AKAP7: variants seen among roughly 807,000 people sequenced by gnomAD.
The protein encoded by AKAP7 is A kinase (PRKA) anchor protein 7.
AKAP7 carries 39 observed loss-of-function variants against 39.5 expected under a neutral mutation model. The ratio of observed to expected loss-of-function variants is 0.99; its 90% CI spans 0.76 to 1.29. The LOEUF is 1.29. AKAP7 is among the 50% of genes most tolerant of loss of function. The pLI, the probability that AKAP7 is intolerant of heterozygous loss-of-function variation, is 0.00. For synonymous variants in AKAP7, 140 were observed against 139.1 expected, an observed-to-expected ratio of 1.01 and a Z score of -0.05; for missense variants, 414 against 407.7, an observed-to-expected ratio of 1.02 and a Z score of -0.13.
intron 2 of AKAP7, among the ~76,000 whole-genome samples, chr6:131,147,338 A>G (rs1354704874): frequency 6.6e-6 from 1 of 152,230 alleles, no homozygotes; most frequent in African/African-American, 2.4e-5. Context: ...TATTTTGGGA[A>G]GATGTGAACT....
Position 131,135,674 on chromosome 6 carries a change from C to A in AKAP7, c.-90C>A. 9.2e-7 allele frequency: 1 copy of A among 1,082,834 alleles called. No homozygotes were observed. The allele number at this position is 1,082,834 out of a possible 1,614,324, so 67.1% of individuals were successfully genotyped here. A position where few individuals can be genotyped will look rare whatever the true frequency, so the allele number is the denominator to read the frequency against. On this transcript the variant is annotated 5_prime_UTR_variant, in exon 1 of 8. Coordinates refer to ENST00000431975, the MANE Select transcript of AKAP7 (RefSeq NM_016377.4). ...CTCAGGCCCCGAGCCCCGCCCTGGC[C>A]TCCGCCTCGGCCTCGCCTCCAGCCC...
At chr6:131,191,042 T>C (rs1286878914) in intron 5 of AKAP7, among the ~76,000 whole-genome samples, 1 of 152,232 alleles carries the variant, frequency 6.6e-6, no homozygotes, top group African/African-American at 2.4e-5. Flanking sequence ...CTTTATGCTG[T>C]TTGTTTTCTG....
Position 131,270,266 on chromosome 6 carries a change from G to A in AKAP7, c.851-11264G>A, listed in dbSNP as rs145099007. Among the ~76,000 whole-genome samples the A allele has an allele frequency of 1.5e-3, 231 of 152,256 alleles. 1 individual carries two copies. The highest frequency in any genetic ancestry group is 5.3e-3 in the African/African-American group (220 of 41,542). ...TTACAGCTACACCTGGAAACCGCTG[G>A]TTTGTTTGCAGTCTAGTTTTGCCTT... On this transcript the variant is annotated intron_variant, in intron 7 of 7. Transcript: ENST00000431975.
At chr6:131,154,195 C>T (rs988244965) in intron 2 of AKAP7, among the ~76,000 whole-genome samples, 7 of 151,524 alleles carry the variant, frequency 4.6e-5, no homozygotes, top group Non-Finnish European at 7.4e-5. Flanking sequence ...GCAACAAGAG[C>T]AAAACTCTGC....
upstream of AKAP7, among the ~76,000 whole-genome samples, chr6:131,135,290 G>A (rs1800432992): frequency 6.6e-6 from 1 of 152,252 alleles, no homozygotes. Context: ...GCCAAAGGCC[G>A]TCGGAGGCCG....
intron 7 of AKAP7, among the ~76,000 whole-genome samples, chr6:131,269,962 C>T (rs1420569178): frequency 6.6e-6 from 1 of 152,192 alleles, no homozygotes; most frequent in African/African-American, 2.4e-5. Flanking sequence ...ATCATCATTA[C>T]CAGCCACATG....
chr6:131,221,788 T>C (rs1809719043), intron 7 of AKAP7, among the ~76,000 whole-genome samples: 1 of 152,158 alleles, frequency 6.6e-6, no homozygotes, highest in Admixed American at 6.5e-5. Context: ...GTTTACTGAG[T>C]ATTTTAACTA....
intron 6 of AKAP7, among the ~76,000 whole-genome samples, chr6:131,210,017 T>A (rs1036016440): frequency 5.3e-5 from 8 of 152,244 alleles, no homozygotes; most frequent in Non-Finnish European, 1.2e-4. Flanking sequence ...GCAAGAAGAT[T>A]TTCTGTCACT....
chr6:131,281,531 T>G lies in AKAP7; in HGVS notation c.852T>G (p.Gly284=), dbSNP rs1815189752. 6.2e-7 allele frequency: 1 copy of G among 1,601,640 alleles called. No individual in the cohort carries two copies. Among genetic ancestry groups the G allele is most frequent in the Admixed American group, 1.7e-5 (1 of 58,262 alleles). The change falls in exon 8 of 8, where the codon GGT becomes GGG. Residue 284 remains glycine, a splice_region_variant and synonymous_variant. Coordinates refer to ENST00000431975, the MANE Select transcript of AKAP7 (RefSeq NM_016377.4). This position sits in a 1 kb window ranked among gnomAD's most constrained non-coding sequence, Gnocchi z 4.0. ...TCTCTTCTCTATTGTGGAATGTAGG[T>G]GAAAAGAACGGAGGGGAGCCCGATG... ...YYHCESSIVI[G]EKNGGEPDDA... is the part of the protein sequence containing the mutation.
intron 2 of AKAP7, among the ~76,000 whole-genome samples, chr6:131,149,055 T>C (rs556308938): frequency 3.9e-5 from 6 of 152,222 alleles, no homozygotes; most frequent in Non-Finnish European, 7.3e-5. Flanking sequence ...AGGGGAATCC[T>C]TGGCAGTAGG....
chr6:131,140,266 A>AT (rs11350684), intron 1 of AKAP7, among the ~76,000 whole-genome samples: 4,249 of 149,542 alleles, frequency 0.028, 188 homozygotes, highest in African/African-American at 0.095. Flanking sequence ...CGTTCTAGTG[A>AT]TTTTTTTTTT....
Position 131,199,529 on chromosome 6 carries a change from T to A in AKAP7, c.658T>A (p.Leu220Met), listed in dbSNP as rs925473052. The change falls in exon 6 of 8, where the codon TTG becomes ATG. Residue 220 changes from leucine (L) to methionine (M), a missense_variant. Leu to Met is a conservative substitution (Grantham distance 15). Coordinates refer to ENST00000431975, the MANE Select transcript of AKAP7 (RefSeq NM_016377.4). ...AGAGAGCAGAAGTTTTAAACCTCATTTGACCTTCATGAAGTTGTCAAAATC... is the reference window on the plus strand; with the variant it reads ...AGAGAGCAGAAGTTTTAAACCTCATATGACCTTCATGAAGTTGTCAAAATC... ...VGESRSFKPHLTFMKLSKSPW... is the reference protein window; with the variant it reads ...VGESRSFKPHMTFMKLSKSPW... 3.1e-6 allele frequency: 5 copies of A among 1,612,094 alleles called. No individual in the cohort carries two copies. Among genetic ancestry groups the A allele is most frequent in the Middle Eastern group, 1.7e-4 (1 of 6,052 alleles).
At chr6:131,177,338 C>T (rs1028276722) in intron 5 of AKAP7, among the ~76,000 whole-genome samples, 11 of 152,040 alleles carry the variant, frequency 7.2e-5, no homozygotes, top group South Asian at 2.1e-4. Flanking sequence ...GGCTGGCTCC[C>T]GGTGAGAACC....
At chr6:131,169,937 TTTTC>T (rs954772636) in intron 5 of AKAP7, among the ~76,000 whole-genome samples, 13 of 152,188 alleles carry the variant, frequency 8.5e-5, no homozygotes, top group South Asian at 2.1e-4. Context: ...CTGTGTTTTT[TTTTC>T]TTTCTATCTA....
intron 7 of AKAP7, among the ~76,000 whole-genome samples, chr6:131,243,074 A>G (rs894644276): frequency 6.6e-6 from 1 of 152,168 alleles, no homozygotes; most frequent in Non-Finnish European, 1.5e-5. Context: ...CATGGGGGAC[A>G]GTGGGTGACT....
intron 7 of AKAP7, among the ~76,000 whole-genome samples, chr6:131,268,299 T>C (rs13206072): frequency 1.3e-5 from 2 of 152,136 alleles, no homozygotes; most frequent in African/African-American, 4.8e-5. Context: ...GAGGGAATTA[T>C]CAGTTTCCAT....
chr6:131,266,421 C>T (rs561602889), intron 7 of AKAP7, among the ~76,000 whole-genome samples: 1 of 152,306 alleles, frequency 6.6e-6, no homozygotes, highest in South Asian at 2.1e-4. Flanking sequence ...TACATGTCAT[C>T]AGTGTACTAT....
At chr6:131,132,802 GC>G (rs1800356075), upstream of AKAP7, among the ~76,000 whole-genome samples, 1 of 152,206 alleles carries the variant, frequency 6.6e-6, no homozygotes, top group Non-Finnish European at 1.5e-5. Flanking sequence ...TGATGATATA[GC>G]TTTCACAGGA....
chr6:131,162,571 A>G (rs1397435312), intron 3 of AKAP7, among the ~76,000 whole-genome samples: 1 of 152,160 alleles, frequency 6.6e-6, no homozygotes, highest in African/African-American at 2.4e-5. Flanking sequence ...ACCTGCTTAT[A>G]TACTTCAGGA....
Sources: gnomAD v4.1 joint callset for allele counts (sites outside exome capture counted in the v4.1 genomes callset) on GRCh38, gnomAD v4.1.1 for gene constraint, Gnocchi (gnomAD v3.1) non-coding constraint, MANE v1.5 for transcripts, NCBI Gene and HGNC (gene_info 2026-07-23, HGNC 2026-07-21) for gene names.